Variants in STXBP5 observed in about 807,000 individuals in gnomAD.
STXBP5 encodes syntaxin binding protein 5, also known as syntaxin-binding protein 5.
STXBP5 carries 50 observed loss-of-function variants against 152.4 expected under a neutral mutation model. The ratio of observed to expected loss-of-function variants is 0.33; its 90% CI spans 0.26 to 0.42. STXBP5 has a LOEUF of 0.42. Ranked by LOEUF, STXBP5 falls within the 10% of genes least tolerant of loss-of-function variation. The pLI, the probability that STXBP5 is intolerant of heterozygous loss-of-function variation, is 1.00. For synonymous variants in STXBP5, 492 were observed against 494.7 expected (o/e 0.99, Z 0.07); for missense variants, 1,167 against 1,388.6 (o/e 0.84, Z 2.54).
At chr6:147,382,729 TA>T in intron 26 of STXBP5, 48 bp from the exon 27 acceptor site, 1 of 1,581,824 alleles carries the variant, frequency 6.3e-7, no homozygotes, top group Non-Finnish European at 8.6e-7. Context: ...TTTATATTAG[TA>T]AAATGTTCAT....
At chr6:147,363,033 A>T (rs1268487477) in intron 23 of STXBP5, among the ~76,000 whole-genome samples, 1 of 152,114 alleles carries the variant, frequency 6.6e-6, no homozygotes, top group Non-Finnish European at 1.5e-5. Flanking sequence ...AGTTCCAGAT[A>T]CTCCAGCATG....
intron 2 of STXBP5, among the ~76,000 whole-genome samples, chr6:147,213,475 T>TGCGCGCGCGCGC (rs1361174338): frequency 1.7e-4 from 23 of 132,290 alleles, no homozygotes; most frequent in African/African-American, 7.3e-4. Context: ...TGTGTGTGTG[T>TGCGCGCGCGCGC]GTGCGCGCGC....
intron 2 of STXBP5, among the ~76,000 whole-genome samples, chr6:147,230,359 G>A (rs1306235751): frequency 6.6e-6 from 1 of 151,718 alleles, no homozygotes; most frequent in Non-Finnish European, 1.5e-5. Context: ...ATCTTGCTGG[G>A]CCATATTGCT....
Position 147,314,402 on chromosome 6 carries a change from G to A in STXBP5, c.1361+71G>A. The A allele has an allele frequency of 1.5e-5, 21 of 1,441,586 alleles. No homozygotes were observed. In the South Asian group the frequency reaches 2.4e-4, roughly 16 times the overall value. The allele number at this position is 1,441,586 out of a possible 1,614,324, so 89.3% of individuals were successfully genotyped here. The stretch of plus-strand genomic sequence containing the variant: ...TATAATTGATTGAGACTACATGAAT[G>A]TTAACTTACTGGACAGGTAGAGCTT... On this transcript the variant is annotated intron_variant, in intron 13 of 27. Transcript: ENST00000321680.
At chr6:147,316,502 A>C (rs1782653771) in intron 16 of STXBP5, 95 bp downstream of exon 16, 1 of 1,138,630 alleles carries the variant, frequency 8.8e-7, no homozygotes, top group African/African-American at 1.6e-5. Flanking sequence ...TTCTTTTGAT[A>C]TAGCAAAATG....
At chr6:147,253,981 C>A (rs1401076460) in intron 4 of STXBP5, among the ~76,000 whole-genome samples, 2 of 152,010 alleles carry the variant, frequency 1.3e-5, no homozygotes, top group Non-Finnish European at 2.9e-5. Context: ...CCCGTATAGC[C>A]AAGACAATCC....
At chr6:147,282,592 G>A (rs570990346) in intron 8 of STXBP5, among the ~76,000 whole-genome samples, 46 of 152,270 alleles carry the variant, frequency 3.0e-4, no homozygotes, top group African/African-American at 7.7e-4. Context: ...CTTTCAGTGG[G>A]CCATAGATTC....
rs55873689 is a variant in STXBP5, at chr6:147,353,314, A to G, written c.2255-9A>G. On this transcript the variant is annotated splice_polypyrimidine_tract_variant and intron_variant, in intron 21 of 27. Coordinates refer to ENST00000321680, the MANE Select transcript of STXBP5 (RefSeq NM_001127715.4). Reference sequence around the variant, plus strand: ...CTTCAGAATTTTAAAAATGTCTTTTATTTTTCAGCAAAGATGTCAAGGAAG... The same window carrying G: ...CTTCAGAATTTTAAAAATGTCTTTTGTTTTTCAGCAAAGATGTCAAGGAAG... 8.3e-3 allele frequency: 13,081 copies of G among 1,570,954 alleles called. 82 individuals are homozygous for G. Among genetic ancestry groups the G allele is most frequent in the Non-Finnish European group, 0.01 (12,058 of 1,155,636 alleles).
chr6:147,274,572 A>G (rs1461170011), intron 7 of STXBP5, among the ~76,000 whole-genome samples: 2 of 152,316 alleles, frequency 1.3e-5, no homozygotes, highest in East Asian at 3.8e-4. Flanking sequence ...CAAAAGCTGT[A>G]CAATTTAATG....
At chr6:147,323,783 A>G (rs1178139954) in intron 16 of STXBP5, among the ~76,000 whole-genome samples, 1 of 152,218 alleles carries the variant, frequency 6.6e-6, no homozygotes, top group African/African-American at 2.4e-5. Context: ...AGTTCCTCAC[A>G]TTGTGACTAG....
In STXBP5 at chr6:147,259,311, T is replaced by C. The variant is rs367811332; in HGVS notation, c.432-1304T>C. Among the ~76,000 whole-genome samples the C allele has an allele frequency of 3.2e-3, 491 of 152,256 alleles. 2 individuals carry two copies. Among genetic ancestry groups the C allele is most frequent in the African/African-American group, 0.011 (470 of 41,568 alleles). ...ACAGTTGACTGAGGAAAAAAAATCT[T>C]AGGATGATAGCTAATATTGAGAAAG... is the stretch of plus-strand genomic sequence containing the variant. On this transcript the variant is annotated intron_variant, in intron 4 of 27. Coordinates refer to ENST00000321680, the MANE Select transcript of STXBP5 (RefSeq NM_001127715.4).
At chr6:147,341,087 A>G (rs1203308903) in intron 21 of STXBP5, among the ~76,000 whole-genome samples, 1 of 152,080 alleles carries the variant, frequency 6.6e-6, no homozygotes, top group African/African-American at 2.4e-5. Context: ...GTGTTTTTTT[A>G]AATCACAAGA....
chr6:147,226,767 A>G (rs1777738213), intron 2 of STXBP5, among the ~76,000 whole-genome samples: 1 of 152,178 alleles, frequency 6.6e-6, no homozygotes, highest in Non-Finnish European at 1.5e-5. Context: ...TGCTTTTATA[A>G]TTCTGTTGCT....
At chr6:147,209,870 A>C (rs1582785667) in intron 2 of STXBP5, among the ~76,000 whole-genome samples, 1 of 152,310 alleles carries the variant, frequency 6.6e-6, no homozygotes. Context: ...GAATTATGCG[A>C]GTTTGGAGGA....
At chr6:147,255,440 G>C (rs1452137557) in intron 4 of STXBP5, among the ~76,000 whole-genome samples, 1 of 152,126 alleles carries the variant, frequency 6.6e-6, no homozygotes, top group Non-Finnish European at 1.5e-5. Context: ...TTGCTGGGTG[G>C]GTAGTCAAGA....
At chr6:147,374,179 T>G (rs1785700263) in intron 26 of STXBP5, among the ~76,000 whole-genome samples, 1 of 152,220 alleles carries the variant, frequency 6.6e-6, no homozygotes, top group Admixed American at 6.5e-5. Context: ...AGTTTTTACT[T>G]TAACATTTAA....
chr6:147,380,192 A>G (rs942275380), intron 26 of STXBP5, among the ~76,000 whole-genome samples: 3 of 151,578 alleles, frequency 2.0e-5, no homozygotes, highest in Non-Finnish European at 2.9e-5. Context: ...ACACACACAC[A>G]CACACACACA....
intron 9 of STXBP5, 147 bp downstream of exon 9, chr6:147,291,319 T>TA: frequency 1.9e-6 from 1 of 536,348 alleles, no homozygotes; most frequent in Non-Finnish European, 3.1e-6. Flanking sequence ...ACAAAAGAAG[T>TA]AAAATTGGTA....
chr6:147,235,482 G>A (rs957124920), intron 3 of STXBP5, 151 bp downstream of exon 3: 2 of 642,016 alleles, frequency 3.1e-6, no homozygotes, highest in Admixed American at 3.0e-5. Flanking sequence ...TCGTTTTAAG[G>A]TACCGTCATG....
Sources: gnomAD v4.1 joint callset for allele counts (sites outside exome capture counted in the v4.1 genomes callset) on GRCh38, gnomAD v4.1.1 for gene constraint, MANE v1.5 for transcripts, NCBI Gene and HGNC (gene_info 2026-07-23, HGNC 2026-07-21) for gene names.